Variants in RBMS3 observed in about 807,000 individuals in gnomAD.
The protein encoded by RBMS3 is RNA binding motif single stranded interacting protein 3.
A neutral mutation model predicts 66.8 loss-of-function variants in RBMS3; 27 were observed. The observed-to-expected ratio is 0.40, with a 90% CI of 0.30 to 0.56. RBMS3 has a LOEUF of 0.56. RBMS3 is among the 20% of genes least tolerant of loss of function. RBMS3 has a pLI of 0.40. For synonymous variants in RBMS3, 188 were observed against 183.0 expected (o/e 1.03, Z -0.22); for missense variants, 513 against 549.5 (o/e 0.93, Z 0.66).
intron 4 of RBMS3, among the ~76,000 whole-genome samples, chr3:29,677,840 A>C (rs993209722): frequency 1.3e-5 from 2 of 152,194 alleles, no homozygotes; most frequent in Admixed American, 1.3e-4. Context: ...AATGTAATAG[A>C]AAAAGCACCA....
chr3:29,735,650 G>A (rs1299126741), intron 4 of RBMS3, among the ~76,000 whole-genome samples: 1 of 152,096 alleles, frequency 6.6e-6, no homozygotes, highest in Non-Finnish European at 1.5e-5. Context: ...GCTTATTGAC[G>A]AATAGGCAAA....
rs575955788 is a variant in RBMS3, at chr3:30,003,866, G to T, written c.*4G>T. The T allele has an allele frequency of 1.5e-5, 22 of 1,451,032 alleles. 1 individual carries two copies. In the South Asian group the frequency reaches 2.6e-4, roughly 17 times the overall value. 89.9% of individuals were successfully genotyped at this position (1,451,032 alleles called of 1,614,324 possible). A position where few individuals can be genotyped will look rare whatever the true frequency, so the allele number is the denominator to read the frequency against. ...CAATTGTTTTCACAGACCATAAACA[G>T]GACTGAAGAATGTCTGTCTGAATCT... On this transcript the variant is annotated 3_prime_UTR_variant, in exon 15 of 15. Transcript: ENST00000383767.
Position 29,612,908 on chromosome 3 carries a change from G to A in RBMS3, c.399+25703G>A, listed in dbSNP as rs1030881012. ...TAATATGCTATTTTAAAATTGCATA[G>A]GTATCATATTAGTCTTATAATTATT... On this transcript the variant is annotated intron_variant, in intron 4 of 14. Coordinates refer to ENST00000383767, the MANE Select transcript of RBMS3 (RefSeq NM_001003793.3). Among the ~76,000 whole-genome samples the A allele has an allele frequency of 2.0e-5, 3 of 152,036 alleles. No individual in the cohort carries two copies. The East Asian group carries it at 5.8e-4, about 29-fold the overall frequency.
At chr3:29,605,572 C>G (rs577638915) in intron 4 of RBMS3, among the ~76,000 whole-genome samples, 14 of 151,820 alleles carry the variant, frequency 9.2e-5, no homozygotes, top group Admixed American at 7.2e-4. Flanking sequence ...ATGCAGATAG[C>G]AAGGGTTATC....
At position 29,637,572 on chromosome 3, in the gene RBMS3, C is replaced by A. The variant is rs1308329047; in HGVS notation, c.399+50367C>A. 1.3e-5 allele frequency among the ~76,000 whole-genome samples: 2 copies of A among 151,770 alleles called. 1 individual carries two copies. Among genetic ancestry groups the A allele is most frequent in the South Asian group, 4.1e-4 (2 of 4,820 alleles). On this transcript the variant is annotated intron_variant, in intron 4 of 14. Transcript: ENST00000383767. ...CTTGGAGATTGAGGCCTAGGTGATA[C>A]CCAAGTTTCTATACTTTTAATAAGC...
intron 3 of RBMS3, among the ~76,000 whole-genome samples, chr3:29,519,558 C>A (rs753429125): frequency 7.9e-5 from 12 of 152,190 alleles, no homozygotes; most frequent in Non-Finnish European, 1.6e-4. Flanking sequence ...GGGTGTGGAA[C>A]TCAGAGGTCA....
chr3:29,653,970 A>G (rs2050232471), intron 4 of RBMS3, among the ~76,000 whole-genome samples: 1 of 152,156 alleles, frequency 6.6e-6, no homozygotes, highest in African/African-American at 2.4e-5. Context: ...TATTCAGCAC[A>G]TATCTACTGT....
chr3:29,564,931 G>A (rs887101965), intron 3 of RBMS3, among the ~76,000 whole-genome samples: 20 of 151,884 alleles, frequency 1.3e-4, no homozygotes, highest in African/African-American at 4.1e-4. Flanking sequence ...ATATTTCATC[G>A]AAGCTGTTGC....
chr3:29,483,328 AAAAAG>A, intron 2 of RBMS3, among the ~76,000 whole-genome samples: 1 of 151,398 alleles, frequency 6.6e-6, no homozygotes, highest in African/African-American at 2.4e-5. Flanking sequence ...AAAAAAAAGA[AAAAAG>A]AAAAAGAAAG....
At chr3:29,679,667 T>C (rs1022205459) in intron 4 of RBMS3, among the ~76,000 whole-genome samples, 3 of 151,996 alleles carry the variant, frequency 2.0e-5, no homozygotes, top group African/African-American at 7.3e-5. Flanking sequence ...CCTTTGGAAT[T>C]TTAGTTTCCC....
At chr3:29,327,145 C>T (rs1301096608) in intron 1 of RBMS3, among the ~76,000 whole-genome samples, 3 of 152,088 alleles carry the variant, frequency 2.0e-5, no homozygotes. Context: ...ACATTAAGGA[C>T]ATGAAAATTG....
At chr3:29,392,319 C>T (rs2039338067) in intron 1 of RBMS3, among the ~76,000 whole-genome samples, 1 of 152,230 alleles carries the variant, frequency 6.6e-6, no homozygotes, top group Admixed American at 6.5e-5. Flanking sequence ...AAAACATATA[C>T]AAACCAAATG....
intron 1 of RBMS3, among the ~76,000 whole-genome samples, chr3:29,370,340 T>A (rs1189004045): frequency 6.6e-6 from 1 of 152,248 alleles, no homozygotes; most frequent in East Asian, 1.9e-4. Flanking sequence ...CAGAAAGTTC[T>A]GTTCAGGTTG....
At chr3:29,552,378 A>G (rs1248291220) in intron 3 of RBMS3, among the ~76,000 whole-genome samples, 1 of 152,182 alleles carries the variant, frequency 6.6e-6, no homozygotes, top group East Asian at 1.9e-4. Flanking sequence ...CAGGGTATGT[A>G]TTTTAAGAAT....
At chr3:29,378,499 C>A (rs5847565) in intron 1 of RBMS3, among the ~76,000 whole-genome samples, 583 of 5,210 alleles carry the variant, frequency 0.11, 7 homozygotes, top group South Asian at 0.28. Context: ...AAAAAAAAAA[C>A]AAAAAACAAC....
chr3:29,755,077 A>T (rs751560393), intron 5 of RBMS3, among the ~76,000 whole-genome samples: 3 of 152,192 alleles, frequency 2.0e-5, no homozygotes, highest in Non-Finnish European at 4.4e-5. Context: ...GATTGATTAA[A>T]AGTGGTAATG....
intron 1 of RBMS3, among the ~76,000 whole-genome samples, chr3:29,343,866 C>A (rs1304589859): frequency 6.6e-6 from 1 of 152,216 alleles, no homozygotes; most frequent in African/African-American, 2.4e-5. Context: ...TGCTATGTAG[C>A]AGATTGGGCT....
At chr3:29,828,415 T>G (rs187295374) in intron 6 of RBMS3, among the ~76,000 whole-genome samples, 376 of 152,266 alleles carry the variant, frequency 2.5e-3, no homozygotes, top group Non-Finnish European at 2.0e-3. Flanking sequence ...ATATGCACAT[T>G]TACTCTTCTG....
intron 6 of RBMS3, among the ~76,000 whole-genome samples, chr3:29,790,541 A>G (rs1459287784): frequency 6.6e-6 from 1 of 152,156 alleles, no homozygotes; most frequent in African/African-American, 2.4e-5. Flanking sequence ...TGTGAATATC[A>G]ACGCTCTCAG....
Sources: allele counts gnomAD v4.1 joint callset (sites outside exome capture counted in the v4.1 genomes callset), GRCh38; gene constraint gnomAD v4.1.1; transcripts MANE v1.5; gene names NCBI Gene and HGNC (gene_info 2026-07-23, HGNC 2026-07-21).